Variants in CLSTN2 observed in about 807,000 individuals in gnomAD.
CLSTN2 encodes calsyntenin-2.
Under a neutral mutation model 101.2 loss-of-function variants are expected in CLSTN2, and 48 were observed. That is an observed-to-expected ratio of 0.47 (90% CI 0.38 to 0.60). The LOEUF (loss-of-function observed/expected upper bound fraction) is 0.60, where lower values mean the gene tolerates loss of function less well. Among genes scored for constraint, CLSTN2 ranks in the 20% least tolerant of loss-of-function variants. The pLI is 0.00. For missense variants in CLSTN2, 1,160 were observed against 1,238.2 expected (o/e 0.94, Z 0.95); for synonymous variants, 481 against 463.6 (o/e 1.04, Z -0.48).
intron 1 of CLSTN2, among the ~76,000 whole-genome samples, chr3:140,055,260 G>T (rs1314281747): frequency 1.3e-5 from 2 of 152,088 alleles, no homozygotes; most frequent in African/African-American, 4.8e-5. Flanking sequence ...CTTAAACTCT[G>T]GCCTGGAGGG....
chr3:139,986,526 C>T (rs1936023443), intron 1 of CLSTN2, among the ~76,000 whole-genome samples: 1 of 152,166 alleles, frequency 6.6e-6, no homozygotes, highest in African/African-American at 2.4e-5. Context: ...CTTCTGCCCT[C>T]TTCTTGTGGA....
intron 2 of CLSTN2, among the ~76,000 whole-genome samples, chr3:140,314,951 A>G (rs1163440016): frequency 6.6e-6 from 1 of 152,202 alleles, no homozygotes; most frequent in Non-Finnish European, 1.5e-5. Context: ...CAAAGCAAGC[A>G]CCAGAGAAAT....
chr3:139,938,237 C>A (rs1935064475), intron 1 of CLSTN2, among the ~76,000 whole-genome samples: 1 of 151,472 alleles, frequency 6.6e-6, no homozygotes, highest in Admixed American at 6.6e-5. Flanking sequence ...TAGAAAAACA[C>A]TGGGAGTCTG....
At chr3:140,560,107 T>C (rs1391841078) in intron 12 of CLSTN2, among the ~76,000 whole-genome samples, 2 of 152,172 alleles carry the variant, frequency 1.3e-5, no homozygotes, top group African/African-American at 4.8e-5. Flanking sequence ...GGGTTCACAT[T>C]TCGTCTTCTG....
chr3:140,184,806 G>T (rs541702955), intron 2 of CLSTN2, among the ~76,000 whole-genome samples: 1 of 152,164 alleles, frequency 6.6e-6, no homozygotes, highest in South Asian at 2.1e-4. Context: ...ATGGCATCTG[G>T]CTTAAAGATC....
chr3:140,256,780 T>C (rs779986118), intron 2 of CLSTN2, among the ~76,000 whole-genome samples: 2 of 152,218 alleles, frequency 1.3e-5, no homozygotes, highest in African/African-American at 4.8e-5. Flanking sequence ...CCAATAAATA[T>C]CATTAACTAA....
chr3:140,132,174 T>G (rs1293868906), intron 1 of CLSTN2, among the ~76,000 whole-genome samples: 1 of 152,184 alleles, frequency 6.6e-6, no homozygotes, highest in Non-Finnish European at 1.5e-5. Context: ...GGTTTGAAGT[T>G]TAACAGGAGG....
chr3:140,404,367 G>A (rs1421714276), intron 3 of CLSTN2, among the ~76,000 whole-genome samples, 191 bp from the exon 4 acceptor site: 1 of 152,220 alleles, frequency 6.6e-6, no homozygotes, highest in African/African-American at 2.4e-5. Context: ...TCATCTCAGA[G>A]CGTCAGAGCA....
intron 1 of CLSTN2, among the ~76,000 whole-genome samples, chr3:140,154,465 A>G (rs1237854713): frequency 1.3e-5 from 2 of 151,976 alleles, no homozygotes; most frequent in Non-Finnish European, 2.9e-5. Context: ...GGATTAGTCC[A>G]TTTTCACACT....
intron 1 of CLSTN2, among the ~76,000 whole-genome samples, chr3:140,155,348 GA>G (rs2009937748): frequency 1.3e-5 from 2 of 152,128 alleles, no homozygotes; most frequent in African/African-American, 4.8e-5. Flanking sequence ...TGCTTGTTAG[GA>G]AAAAGCAGAA....
chr3:140,205,922 A>G (rs994458437), intron 2 of CLSTN2, among the ~76,000 whole-genome samples: 1 of 152,284 alleles, frequency 6.6e-6, no homozygotes, highest in Non-Finnish European at 1.5e-5. Context: ...TCACAGGTGC[A>G]TGCACTGTGC....
rs370619355 is a variant in CLSTN2, at chr3:140,111,800, C to G, written c.110-64151C>G. The stretch of plus-strand genomic sequence containing the variant: ...TATCATCATCATTTATAGACTGCCC[C>G]CTCTGCACCAGAAGCCACTGTGATA... On this transcript the variant is annotated intron_variant, in intron 1 of 16. Transcript: ENST00000458420. 3.4e-4 allele frequency among the ~76,000 whole-genome samples: 52 copies of G among 152,264 alleles called. No homozygotes were observed. In the South Asian group the frequency reaches 7.7e-3, roughly 22 times the overall value.
chr3:140,255,797 A>T (rs1272444278), intron 2 of CLSTN2, among the ~76,000 whole-genome samples: 2 of 152,168 alleles, frequency 1.3e-5, no homozygotes, highest in African/African-American at 4.8e-5. Flanking sequence ...CTAAAAAGGA[A>T]TTTTTTTAAA....
intron 8 of CLSTN2, among the ~76,000 whole-genome samples, chr3:140,513,599 TTGG>T (rs1934859017): frequency 6.7e-6 from 1 of 148,546 alleles, no homozygotes; most frequent in Admixed American, 6.7e-5. Context: ...TTTTTTTTTT[TTGG>T]GTGTGTGTCT....
At chr3:140,278,957 G>A (rs2107895110) in intron 2 of CLSTN2, among the ~76,000 whole-genome samples, 1 of 152,224 alleles carries the variant, frequency 6.6e-6, no homozygotes, top group African/African-American at 2.4e-5. Context: ...TGAGCTTGAG[G>A]AATCCTTCTG....
intron 2 of CLSTN2, among the ~76,000 whole-genome samples, chr3:140,365,057 T>A (rs944581755): frequency 2.6e-5 from 4 of 151,940 alleles, no homozygotes; most frequent in African/African-American, 7.3e-5. Flanking sequence ...CTGAAGCAGG[T>A]GATGTGCCAG....
intron 2 of CLSTN2, among the ~76,000 whole-genome samples, chr3:140,290,459 A>T (rs1035115535): frequency 2.0e-5 from 3 of 152,168 alleles, no homozygotes; most frequent in Admixed American, 2.0e-4. Context: ...CATGCCTCTT[A>T]GATGGGGTGC....
intron 1 of CLSTN2, among the ~76,000 whole-genome samples, chr3:140,085,200 G>T (rs962384736): frequency 6.6e-6 from 1 of 152,172 alleles, no homozygotes; most frequent in Non-Finnish European, 1.5e-5. Context: ...CCTTAGAAAA[G>T]AAATCAACAA....
At chr3:140,041,163 G>A (rs2007754943) in intron 1 of CLSTN2, among the ~76,000 whole-genome samples, 1 of 152,108 alleles carries the variant, frequency 6.6e-6, no homozygotes, top group Non-Finnish European at 1.5e-5. Context: ...TTATCATCTT[G>A]AGATATACAG....
Sources: gnomAD v4.1 joint callset for allele counts (sites outside exome capture counted in the v4.1 genomes callset) on GRCh38, gnomAD v4.1.1 for gene constraint, MANE v1.5 for transcripts, NCBI Gene and HGNC (gene_info 2026-07-23, HGNC 2026-07-21) for gene names.